CNTLN: variants seen among roughly 807,000 people sequenced by gnomAD.
The protein encoded by CNTLN is centlein, centrosomal protein.
Under a neutral mutation model 180.0 loss-of-function variants are expected in CNTLN, and 212 were observed. That is an observed-to-expected ratio of 1.18 (90% CI 1.05 to 1.32). CNTLN has a LOEUF of 1.32. Ranked by LOEUF, CNTLN falls within the 40% of genes most tolerant of loss-of-function variation. CNTLN has a pLI of 0.00. For synonymous variants in CNTLN, 722 were observed against 563.1 expected (o/e 1.28, Z -3.99); for missense variants, 2,095 against 1,610.9 (o/e 1.30, Z -5.14).
chr9:17,160,406 C>T (rs145203159), intron 2 of CNTLN, among the ~76,000 whole-genome samples: 1 of 152,148 alleles, frequency 6.6e-6, no homozygotes, highest in East Asian at 1.9e-4. Flanking sequence ...ACCTAACTTT[C>T]TCACTATCAC....
At chr9:17,406,184 G>A (rs1401421264) in intron 15 of CNTLN, among the ~76,000 whole-genome samples, 2 of 151,718 alleles carry the variant, frequency 1.3e-5, no homozygotes, top group Non-Finnish European at 2.9e-5. Flanking sequence ...CAGTCTTTCT[G>A]TCAGTCATTA....
intron 5 of CNTLN, among the ~76,000 whole-genome samples, chr9:17,265,535 T>A (rs201017966): frequency 1.3e-5 from 2 of 152,136 alleles, no homozygotes; most frequent in East Asian, 1.9e-4. Flanking sequence ...AGGCTTTGGT[T>A]TGAGGATGAT....
the CNTLN span, among the ~76,000 whole-genome samples, chr9:17,515,040 C>A: frequency 6.6e-6 from 1 of 152,148 alleles, no homozygotes; most frequent in Non-Finnish European, 1.5e-5. Context: ...ATGTTTATTC[C>A]ATTGTCATTT....
chr9:17,242,450 G>A (rs573118293), intron 5 of CNTLN, among the ~76,000 whole-genome samples: 1 of 152,134 alleles, frequency 6.6e-6, no homozygotes, highest in South Asian at 2.1e-4. Flanking sequence ...TGGGATCACA[G>A]GTATGCACCA....
At chr9:17,444,970 C>T (rs1830316306) in intron 18 of CNTLN, among the ~76,000 whole-genome samples, 1 of 152,030 alleles carries the variant, frequency 6.6e-6, no homozygotes, top group African/African-American at 2.4e-5. Flanking sequence ...GAAATTTCTA[C>T]TCTATGCTAT....
intron 10 of CNTLN, among the ~76,000 whole-genome samples, chr9:17,333,891 C>T (rs1409749616): frequency 6.6e-6 from 1 of 152,166 alleles, no homozygotes; most frequent in African/African-American, 2.4e-5. Flanking sequence ...CATACTAGTA[C>T]TTGTCTAACA....
chr9:17,280,711 C>A (rs1462763469), intron 6 of CNTLN, among the ~76,000 whole-genome samples: 3 of 152,178 alleles, frequency 2.0e-5, no homozygotes, highest in African/African-American at 7.2e-5. Flanking sequence ...AGCAAGCCAT[C>A]AGATGGAAGA....
intron 6 of CNTLN, among the ~76,000 whole-genome samples, chr9:17,281,056 TC>T (rs1828629213): frequency 6.6e-6 from 1 of 152,174 alleles, no homozygotes. Context: ...CAAAAAAAGT[TC>T]CTGCTCTCAC....
chr9:17,145,480 A>C (rs1259397090), intron 2 of CNTLN, among the ~76,000 whole-genome samples: 1 of 152,224 alleles, frequency 6.6e-6, no homozygotes, highest in Non-Finnish European at 1.5e-5. Flanking sequence ...CTTTCTGTAT[A>C]GTCCATTAGT....
chr9:17,241,102 C>T (rs1251384928), intron 5 of CNTLN, among the ~76,000 whole-genome samples: 1 of 152,146 alleles, frequency 6.6e-6, no homozygotes, highest in East Asian at 1.9e-4. Flanking sequence ...TGGTGATCCG[C>T]CCACCTTGGC....
At chr9:17,208,615 CTT>C (rs1823082224) in intron 2 of CNTLN, among the ~76,000 whole-genome samples, 1 of 152,060 alleles carries the variant, frequency 6.6e-6, no homozygotes, top group African/African-American at 2.4e-5. Flanking sequence ...TGCTGGAAGA[CTT>C]TTTTTGTTAT....
intron 25 of CNTLN, among the ~76,000 whole-genome samples, chr9:17,498,554 C>T (rs7848597): frequency 5.3e-5 from 8 of 152,174 alleles, no homozygotes; most frequent in African/African-American, 1.7e-4. Flanking sequence ...ACCTATAGAC[C>T]GAGGCAAACT....
chr9:17,498,359 A>C (rs1833568686), intron 25 of CNTLN, among the ~76,000 whole-genome samples: 1 of 152,166 alleles, frequency 6.6e-6, no homozygotes, highest in Admixed American at 6.5e-5. Context: ...ACAATTTGTA[A>C]GTGTGAGTAA....
At chr9:17,149,662 C>T (rs567341489) in intron 2 of CNTLN, among the ~76,000 whole-genome samples, 6 of 151,736 alleles carry the variant, frequency 4.0e-5, no homozygotes, top group Admixed American at 6.6e-5. Context: ...GGACTATAGG[C>T]GCCCGCCACC....
At chr9:17,393,029 A>T (rs951737690) in intron 14 of CNTLN, among the ~76,000 whole-genome samples, 2 of 152,180 alleles carry the variant, frequency 1.3e-5, no homozygotes, top group South Asian at 2.1e-4. Flanking sequence ...AGAGGATTAT[A>T]AACAATAGAA....
chr9:17,257,049 A>G (rs570310831), intron 5 of CNTLN, among the ~76,000 whole-genome samples: 1 of 151,966 alleles, frequency 6.6e-6, no homozygotes. Context: ...ATATGTATAC[A>G]TGTGCCATGC....
At chr9:17,455,020 G>T (rs934369684) in intron 18 of CNTLN, among the ~76,000 whole-genome samples, 1 of 152,258 alleles carries the variant, frequency 6.6e-6, no homozygotes, top group Middle Eastern at 3.4e-3. Context: ...TTTCTAACAA[G>T]GTCACCCACA....
intron 12 of CNTLN, among the ~76,000 whole-genome samples, chr9:17,343,981 C>G (rs1392610925): frequency 6.6e-6 from 1 of 152,150 alleles, no homozygotes; most frequent in Non-Finnish European, 1.5e-5. Flanking sequence ...ATAACGTTTT[C>G]AAGGTTCATC....
chr9:17,435,774 GC>G (rs1829736297), intron 18 of CNTLN, among the ~76,000 whole-genome samples: 1 of 152,122 alleles, frequency 6.6e-6, no homozygotes, highest in African/African-American at 2.4e-5. Flanking sequence ...CGTTGGCCAG[GC>G]TGGTCTGAAA....
Sources: allele counts gnomAD v4.1 joint callset (sites outside exome capture counted in the v4.1 genomes callset), GRCh38; gene constraint gnomAD v4.1.1; transcripts MANE v1.5; gene names NCBI Gene and HGNC (gene_info 2026-07-23, HGNC 2026-07-21).